PUDP: variants seen among roughly 807,000 people sequenced by gnomAD.
PUDP encodes the protein pseudouridine 5'-phosphatase.
Under a neutral mutation model 9.4 loss-of-function variants are expected in PUDP, and 8 were observed. That is an observed-to-expected ratio of 0.85 (90% CI 0.50 to 1.53). The LOEUF (loss-of-function observed/expected upper bound fraction) is 1.53. Ranked by LOEUF, PUDP falls within the 40% of genes most tolerant of loss-of-function variation. The probability of loss-of-function intolerance (pLI) is 0.00; values close to 1 mark genes in which losing one functional copy is unlikely to be tolerated. For missense variants in PUDP, 188 were observed against 189.7 expected, an observed-to-expected ratio of 0.99 and a Z score of 0.05; for synonymous variants, 99 against 80.7, an observed-to-expected ratio of 1.23 and a Z score of -1.22.
rs1435210304 is a variant in PUDP at position 6,780,419 on chromosome X, TTAGATA to T, written c.*248-73959_*248-73954del. Among the ~76,000 whole-genome samples the T allele has an allele frequency of 3.6e-5, 4 of 110,878 alleles. No individual in the cohort carries two copies. In the East Asian group the frequency reaches 1.1e-3, roughly 31 times the overall value. On this transcript the variant is annotated intron_variant and NMD_transcript_variant, in intron 3 of 3. Coordinates refer to the PUDP transcript ENST00000655425. ...AGTGTTTAAGTGTATACACATATAT[TTAGATA>T]TAGATATAAACATTTTAGTCAGTCA... is the stretch of plus-strand genomic sequence containing the variant.
intron 3 of PUDP, among the ~76,000 whole-genome samples, chrX:6,742,210 T>A (rs1924948975): frequency 8.9e-6 from 1 of 112,031 alleles, no homozygotes; most frequent in Non-Finnish European, 1.9e-5. Context: ...ATGATATAAC[T>A]GGATTTACTG....
At chrX:7,144,783 G>A (rs1033699022) in intron 1 of PUDP, among the ~76,000 whole-genome samples, 8 of 111,540 alleles carry the variant, frequency 7.2e-5, no homozygotes, top group East Asian at 2.8e-4. Context: ...ATTACCCTTC[G>A]CAGATCTACC....
chrX:6,775,895 A>G (rs1925450347), intron 3 of PUDP, among the ~76,000 whole-genome samples: 1 of 111,515 alleles, frequency 9.0e-6, no homozygotes, highest in African/African-American at 3.3e-5. Context: ...AGCCTCCAGA[A>G]CTGTGAGATG....
chrX:6,944,420 A>G (rs1928437594), intron 3 of PUDP, among the ~76,000 whole-genome samples: 1 of 111,268 alleles, frequency 9.0e-6, no homozygotes, highest in South Asian at 3.8e-4. Flanking sequence ...ATGATTCCAC[A>G]TTATTTGAAA....
chrX:7,069,486 C>T (rs1338627495), intron 3 of PUDP, among the ~76,000 whole-genome samples: 1 of 110,008 alleles, frequency 9.1e-6, no homozygotes, highest in Non-Finnish European at 1.9e-5. Context: ...CACGTGCGCT[C>T]GGCAGGCAGA....
At chrX:6,733,003 G>A (rs1924827820) in intron 3 of PUDP, among the ~76,000 whole-genome samples, 1 of 112,004 alleles carries the variant, frequency 8.9e-6, no homozygotes, top group South Asian at 3.7e-4. Context: ...AATTGCACGC[G>A]CAAAGGTGGC....
chrX:7,074,189 G>A (rs1228101040), intron 3 of PUDP, among the ~76,000 whole-genome samples: 3 of 112,613 alleles, frequency 2.7e-5, no homozygotes, highest in Non-Finnish European at 3.7e-5. Flanking sequence ...ATCCCAAAGT[G>A]CTGGGATTAC....
intron 3 of PUDP, among the ~76,000 whole-genome samples, chrX:6,927,934 C>G (rs1257631509): frequency 9.6e-6 from 1 of 104,388 alleles, no homozygotes; most frequent in Admixed American, 1.1e-4. Flanking sequence ...AGACACTCAT[C>G]ATTCTTGGAA....
chrX:7,107,672 C>T (rs1170073625), intron 1 of PUDP, among the ~76,000 whole-genome samples: 1 of 111,902 alleles, frequency 8.9e-6, no homozygotes, highest in African/African-American at 3.2e-5. Flanking sequence ...ATTAAAAATA[C>T]AAAAAACTAG....
intron 3 of PUDP, among the ~76,000 whole-genome samples, chrX:6,853,616 A>G (rs1480139865): frequency 9.0e-6 from 1 of 111,327 alleles, no homozygotes; most frequent in Non-Finnish European, 1.9e-5. Flanking sequence ...ATACCACTAA[A>G]TGGTCAATCC....
intron 1 of PUDP, among the ~76,000 whole-genome samples, chrX:6,718,026 C>T (rs1924619906): frequency 9.0e-6 from 1 of 110,733 alleles, no homozygotes; most frequent in Non-Finnish European, 1.9e-5. Context: ...CTTTTCATGT[C>T]TTCTGTCTAC....
chrX:7,053,259 C>G (rs1320460048), intron 3 of PUDP, among the ~76,000 whole-genome samples: 2 of 111,213 alleles, frequency 1.8e-5, no homozygotes, highest in Admixed American at 1.9e-4. Flanking sequence ...TTCCAAGGAG[C>G]AAGACAGGTG....
chrX:6,811,588 T>TACAGGTGTG (rs1055765698), intron 3 of PUDP, among the ~76,000 whole-genome samples: 1 of 110,687 alleles, frequency 9.0e-6, no homozygotes, highest in African/African-American at 3.3e-5. Flanking sequence ...GTGCTGGGAT[T>TACAGGTGTG]ACAGGTGTGA....
chrX:7,132,019 G>A (rs2146927336), intron 1 of PUDP, among the ~76,000 whole-genome samples: 1 of 110,472 alleles, frequency 9.1e-6, no homozygotes, highest in African/African-American at 3.3e-5. Flanking sequence ...CAAGAAAATC[G>A]AGTTGTCTCT....
At chrX:6,794,226 G>A (rs1264938372) in intron 3 of PUDP, among the ~76,000 whole-genome samples, 4 of 112,414 alleles carry the variant, frequency 3.6e-5, no homozygotes, top group Non-Finnish European at 7.5e-5. Flanking sequence ...ACAACACACC[G>A]AGGTTGTGTG....
chrX:6,801,690 T>C (rs777115927), intron 3 of PUDP, among the ~76,000 whole-genome samples: 4 of 112,149 alleles, frequency 3.6e-5, no homozygotes, highest in Admixed American at 9.5e-5. Flanking sequence ...AAGGGACTCT[T>C]TTCTAAAAAG....
At chrX:6,902,154 G>A (rs1170651163) in intron 3 of PUDP, among the ~76,000 whole-genome samples, 1 of 111,855 alleles carries the variant, frequency 8.9e-6, no homozygotes, top group African/African-American at 3.3e-5. Context: ...CCAAAGTTCT[G>A]GGATTATAGG....
intron 1 of PUDP, among the ~76,000 whole-genome samples, chrX:7,003,469 A>AGTATTCAATT (rs1929357706): frequency 9.0e-6 from 1 of 111,725 alleles, no homozygotes; most frequent in Admixed American, 9.5e-5. Flanking sequence ...TTAGTATAAA[A>AGTATTCAATT]CAACACTTAA....
At chrX:7,123,827 C>T (rs1248871683) in intron 1 of PUDP, among the ~76,000 whole-genome samples, 1 of 111,810 alleles carries the variant, frequency 8.9e-6, no homozygotes, top group East Asian at 2.8e-4. Flanking sequence ...TGATAAAGGT[C>T]ACCCCATCAA....
Sources: gnomAD v4.1 joint callset for allele counts (sites outside exome capture counted in the v4.1 genomes callset) on GRCh38, gnomAD v4.1.1 for gene constraint, MANE v1.5 for transcripts, NCBI Gene and HGNC (gene_info 2026-07-23, HGNC 2026-07-21) for gene names.